Variants in GTF3C1 observed in about 807,000 individuals in gnomAD.
The protein encoded by GTF3C1 is general transcription factor IIIC subunit 1, also known as general transcription factor 3C polypeptide 1.
In GTF3C1, 57 loss-of-function variants were observed where a neutral mutation model predicts 226.7. That is an observed-to-expected ratio of 0.25 (90% confidence interval 0.20 to 0.31). The LOEUF is 0.31. Among genes scored for constraint, GTF3C1 ranks in the 10% least tolerant of loss-of-function variants. The probability of loss-of-function intolerance (pLI) is 1.00; values close to 1 mark genes in which losing one functional copy is unlikely to be tolerated. For missense variants in GTF3C1, 2,217 were observed against 2,776.1 expected, an observed-to-expected ratio of 0.80 and a Z score of 4.53; for synonymous variants, 1,090 against 1,084.8, an observed-to-expected ratio of 1.00 and a Z score of -0.09.
intron 4 of GTF3C1, among the ~76,000 whole-genome samples, chr16:27,536,303 T>G (rs2089000206): frequency 6.6e-6 from 1 of 152,128 alleles, no homozygotes; most frequent in African/African-American, 2.4e-5. Context: ...GAGTCAAAAG[T>G]TATGTGTAGC....
chr16:27,510,962 C>G (rs1359862238), intron 7 of GTF3C1, among the ~76,000 whole-genome samples: 1 of 152,134 alleles, frequency 6.6e-6, no homozygotes, highest in Non-Finnish European at 1.5e-5. Flanking sequence ...TGCACCAGGC[C>G]CTATAGCAGC....
rs763633524 is a variant in GTF3C1, at chr16:27,462,355, C to A, written c.6056G>T (p.Ser2019Ile). 1 of 1,583,884 alleles carries A rather than the reference C, an allele frequency of 6.3e-7. No homozygotes were observed. Among genetic ancestry groups the A allele is most frequent in the Admixed American group, 1.8e-5 (1 of 55,286 alleles). Residue 2019 changes from serine to isoleucine, a missense_variant, in exon 36 of 37, where the codon AGC becomes ATC. By Grantham distance (142) the Ser-to-Ile change is moderately radical. Around this residue, in one of 12 missense-constraint regions of GTF3C1, gnomAD observed 153 missense variants for 199.8 expected, o/e 0.77. Coordinates refer to ENST00000356183, the MANE Select transcript of GTF3C1 (RefSeq NM_001520.4). The surrounding 1 kb of genome is among the most constrained non-coding windows in gnomAD (Gnocchi z 4.5). ...CCCCTGGTAGTGGCGCAGCAGGGAGCTCTCGGGGATGCCAGGCCTGGTCAT... is the reference window on the plus strand; with the variant it reads ...CCCCTGGTAGTGGCGCAGCAGGGAGATCTCGGGGATGCCAGGCCTGGTCAT... Reference protein sequence around the residue: ...HIMTRPGIPESSLLRHYQGVL... With the variant: ...HIMTRPGIPEISLLRHYQGVL...
chr16:27,501,113 A>T (rs2088397817), intron 12 of GTF3C1, 78 bp downstream of exon 12: 1 of 1,172,938 alleles, frequency 8.5e-7, no homozygotes, highest in Admixed American at 1.8e-5. Flanking sequence ...ACCAGGATAC[A>T]GCAATGACAA....
chr16:27,509,479 C>T (rs145818771), intron 7 of GTF3C1, among the ~76,000 whole-genome samples: 314 of 152,214 alleles, frequency 2.1e-3, no homozygotes, highest in African/African-American at 6.8e-3. Context: ...TCCTCTTGGC[C>T]GGGTGCAGTG....
intron 6 of GTF3C1, among the ~76,000 whole-genome samples, chr16:27,521,231 A>C (rs2088743335): frequency 6.6e-6 from 1 of 152,202 alleles, no homozygotes; most frequent in Non-Finnish European, 1.5e-5. Flanking sequence ...TCCTGTGCTC[A>C]CAAGTTCTGG....
intron 23 of GTF3C1, among the ~76,000 whole-genome samples, chr16:27,486,703 T>C (rs1352961175): frequency 6.6e-6 from 1 of 152,278 alleles, no homozygotes; most frequent in East Asian, 1.9e-4. Context: ...ACTAAATAAC[T>C]AACATCAGCA....
intron 6 of GTF3C1, among the ~76,000 whole-genome samples, chr16:27,518,833 A>G (rs1406180831): frequency 1.3e-5 from 2 of 152,230 alleles, no homozygotes; most frequent in Admixed American, 6.5e-5. Context: ...CAAGTTCTTC[A>G]TGGGTAAAAT....
chr16:27,537,348 C>CA (rs942415206), intron 4 of GTF3C1, among the ~76,000 whole-genome samples: 1 of 151,994 alleles, frequency 6.6e-6, no homozygotes, highest in African/African-American at 2.4e-5. Context: ...CTTATTTTCA[C>CA]AAAAAAACAG....
intron 6 of GTF3C1, among the ~76,000 whole-genome samples, chr16:27,525,773 C>T (rs1005214629): frequency 4.6e-5 from 7 of 152,236 alleles, no homozygotes; most frequent in African/African-American, 1.7e-4. Context: ...GCTATGCCCA[C>T]AAAGTCAAGC....
chr16:27,541,681 C>T (rs2089085892), intron 2 of GTF3C1, among the ~76,000 whole-genome samples: 1 of 152,152 alleles, frequency 6.6e-6, no homozygotes, highest in Non-Finnish European at 1.5e-5. Context: ...ACAGAATATT[C>T]TTGGCGAAGG....
chr16:27,514,278 G>C (rs2088622631), intron 6 of GTF3C1, among the ~76,000 whole-genome samples: 1 of 152,200 alleles, frequency 6.6e-6, no homozygotes, highest in Admixed American at 6.5e-5. Context: ...CGTCCCTCTT[G>C]GCTCTGCCCT....
At chr16:27,511,156 A>G (rs760861420) in intron 7 of GTF3C1, among the ~76,000 whole-genome samples, 1 of 152,168 alleles carries the variant, frequency 6.6e-6, no homozygotes, top group Non-Finnish European at 1.5e-5. Flanking sequence ...TCAGTGGACT[A>G]AGTGGGACAG....
At chr16:27,549,177 A>G (rs375257573) in intron 1 of GTF3C1, among the ~76,000 whole-genome samples, 3 of 152,156 alleles carry the variant, frequency 2.0e-5, no homozygotes, top group African/African-American at 7.2e-5. Context: ...AAAAAAGAAC[A>G]GCACCTCACC....
intron 33 of GTF3C1, 83 bp from the exon 34 acceptor site, chr16:27,464,919 C>T (rs549894790): frequency 1.7e-6 from 2 of 1,198,094 alleles, no homozygotes; most frequent in South Asian, 3.2e-5. Flanking sequence ...GAGTGGCCTC[C>T]CCTGACTGGC....
rs60215987 is a variant in GTF3C1, at chr16:27,464,708, C to T, written c.5484G>A (p.Gln1828=). ...GGGGTCTGGCCTGGGGGTCTTCTCTCTGGATGTCGGCGTCTTCTCTGTCTT... is the reference window on the plus strand; with the variant it reads ...GGGGTCTGGCCTGGGGGTCTTCTCTTTGGATGTCGGCGTCTTCTCTGTCTT... ...RLKDREDADI[Q]REDPQARPLE... The change falls in exon 34 of 37, where the codon CAG becomes CAA. Residue 1828 remains glutamine (Q), a synonymous_variant. Coordinates refer to ENST00000356183, the MANE Select transcript of GTF3C1 (RefSeq NM_001520.4). The T allele has an allele frequency of 6.3e-7, 1 of 1,597,228 alleles. No individual in the cohort carries two copies. Among genetic ancestry groups the T allele is most frequent in the East Asian group, 2.2e-5 (1 of 44,614 alleles).
rs769439171 is a variant in GTF3C1, at chr16:27,549,794, G to A, written c.97C>T (p.Pro33Ser). The change falls in exon 1 of 37, where the codon CCG becomes TCG. Residue 33 changes from proline to serine, a missense_variant. Transcript: ENST00000356183. ...ALWSRLETRV[P>S]PFPLPLEPCT... is the part of the protein sequence containing the mutation. ...GGTTCCAAAGGCAGCGGGAAGGGCG[G>A]CACTCGCGTCTCCAGCCGGCTCCAC... 7.4e-6 allele frequency: 12 copies of A among 1,612,810 alleles called. No individual in the cohort carries two copies. Among genetic ancestry groups the A allele is most frequent in the Non-Finnish European group, 1.0e-5 (12 of 1,179,716 alleles).
chr16:27,494,881 C>T lies in GTF3C1; in HGVS notation c.2660G>A (p.Arg887His), dbSNP rs1290556550. The T allele has an allele frequency of 9.3e-6, 15 of 1,613,090 alleles. No homozygotes were observed. Among genetic ancestry groups the T allele is most frequent in the Admixed American group, 1.7e-5 (1 of 59,988 alleles). The change falls in exon 16 of 37, where the codon CGC (arginine) becomes CAC (histidine). Residue 887 changes from arginine to histidine, a missense_variant. Around this residue, in one of 12 missense-constraint regions of GTF3C1, gnomAD observed 353 missense variants for 411.7 expected, o/e 0.86. Coordinates refer to ENST00000356183, the MANE Select transcript of GTF3C1 (RefSeq NM_001520.4). ...GTGGACTGGGATTGGGGGGATGTAG[C>T]GCATCCACGAGGCATCGTCGACATA... ...TVYVDDASWM[R>H]YIPPIPVHRD...
intron 7 of GTF3C1, among the ~76,000 whole-genome samples, chr16:27,509,166 C>A (rs184633848): frequency 2.6e-5 from 4 of 152,148 alleles, no homozygotes; most frequent in Admixed American, 6.5e-5. Context: ...GTCGTGCAAG[C>A]GAGGACTTTG....
chr16:27,501,230 C>T lies in GTF3C1; in HGVS notation c.2022G>A (p.Leu674=), dbSNP rs767330485. Residue 674 remains leucine, a synonymous_variant, in exon 12 of 37, where the codon TTG becomes TTA. Coordinates refer to ENST00000356183, the MANE Select transcript of GTF3C1 (RefSeq NM_001520.4). ...CATCTTGAATGACAGTGGTCCGATA[C>T]AATCGCAAGAGACCTTCCTCAGACA... ...RNLSEEGLLR[L]YRTTVIQDGI... 2.7e-5 allele frequency: 43 copies of T among 1,614,098 alleles called. No individual in the cohort carries two copies. The highest frequency in any genetic ancestry group is 3.6e-5 in the Non-Finnish European group (43 of 1,179,952).
Sources: allele counts gnomAD v4.1 joint callset (sites outside exome capture counted in the v4.1 genomes callset), GRCh38; gene constraint gnomAD v4.1.1; regional missense constraint gnomAD v4.1.1; non-coding constraint Gnocchi (gnomAD v3.1); transcripts MANE v1.5; gene names NCBI Gene and HGNC (gene_info 2026-07-23, HGNC 2026-07-21).